Variants in REDIC1 observed in about 807,000 individuals in gnomAD.
REDIC1 encodes HEI10 Interacting Protein 1.
chr12:39,883,952 G>C, the REDIC1 span, among the ~76,000 whole-genome samples: 7 of 152,088 alleles, frequency 4.6e-5, no homozygotes, highest in African/African-American at 1.7e-4. Context: ...CGTTTAGACA[G>C]ACTATCTCCT....
the REDIC1 span, among the ~76,000 whole-genome samples, chr12:39,656,951 C>T: frequency 5.3e-5 from 8 of 152,038 alleles, no homozygotes; most frequent in Admixed American, 4.6e-4. Context: ...AAAATTAAAA[C>T]ATTTATAAAG....
chr12:39,801,418 C>A, the REDIC1 span, among the ~76,000 whole-genome samples: 3 of 149,868 alleles, frequency 2.0e-5, no homozygotes, highest in Non-Finnish European at 4.4e-5. Flanking sequence ...AAGCAAACAG[C>A]CATAAACAAA....
chr12:39,766,226 G>A, the REDIC1 span, among the ~76,000 whole-genome samples: 2 of 151,974 alleles, frequency 1.3e-5, no homozygotes, highest in Admixed American at 6.6e-5. Flanking sequence ...CTTAGACCAC[G>A]CCAATACAGG....
At chr12:39,746,974 G>A in the REDIC1 span, among the ~76,000 whole-genome samples, 1 of 152,148 alleles carries the variant, frequency 6.6e-6, no homozygotes, top group South Asian at 2.1e-4. Context: ...CAAAGATGGG[G>A]AAAAAACAAA....
chr12:39,644,701 T>C, the REDIC1 span, among the ~76,000 whole-genome samples: 1 of 151,920 alleles, frequency 6.6e-6, no homozygotes, highest in Non-Finnish European at 1.5e-5. Context: ...ATTTTGAGAA[T>C]AAAACTTATT....
the REDIC1 span, among the ~76,000 whole-genome samples, chr12:39,797,213 G>A: frequency 3.9e-5 from 6 of 152,104 alleles, no homozygotes; most frequent in South Asian, 4.1e-4. Flanking sequence ...AAGTAAGCAC[G>A]CCAACATACC....
At chr12:39,861,820 T>C in the REDIC1 span, among the ~76,000 whole-genome samples, 1 of 152,206 alleles carries the variant, frequency 6.6e-6, no homozygotes, top group Non-Finnish European at 1.5e-5. Flanking sequence ...CATCTGTCTT[T>C]ATCTTTGTGC....
chr12:39,810,342 GAAATA>G, the REDIC1 span, among the ~76,000 whole-genome samples: 3 of 152,186 alleles, frequency 2.0e-5, no homozygotes, highest in Admixed American at 6.5e-5. Flanking sequence ...GTTAGTAATA[GAAATA>G]AAATATATTT....
the REDIC1 span, among the ~76,000 whole-genome samples, chr12:39,680,821 T>G: frequency 6.6e-6 from 1 of 151,794 alleles, no homozygotes; most frequent in Non-Finnish European, 1.5e-5. Context: ...GGAATTCTAC[T>G]CAGCCATAAA....
At chr12:39,787,135 C>T in the REDIC1 span, among the ~76,000 whole-genome samples, 2 of 152,204 alleles carry the variant, frequency 1.3e-5, no homozygotes, top group Middle Eastern at 3.4e-3. Context: ...AGATGGATTT[C>T]GGTATATGGC....
chr12:39,711,785 ATGTGTG>A, the REDIC1 span, among the ~76,000 whole-genome samples: 1 of 119,276 alleles, frequency 8.4e-6, no homozygotes, highest in African/African-American at 3.1e-5. Context: ...ATGCATGTGT[ATGTGTG>A]TGTACACATG....
At chr12:39,759,783 C>T in the REDIC1 span, 1 of 464,568 alleles carries the variant, frequency 2.2e-6, no homozygotes, top group Admixed American at 3.9e-5. Flanking sequence ...GAAGGCATTA[C>T]ACACATTTGC....
the REDIC1 span, among the ~76,000 whole-genome samples, chr12:39,801,339 TAAAAAAA>T: frequency 7.8e-3 from 991 of 126,854 alleles, 11 homozygotes; most frequent in South Asian, 0.086. Flanking sequence ...ATGAGGAAAT[TAAAAAAA>T]AAAAAAAAAA....
the REDIC1 span, among the ~76,000 whole-genome samples, chr12:39,890,849 AATAAT>A: frequency 8.5e-5 from 13 of 152,156 alleles, no homozygotes; most frequent in Admixed American, 6.5e-4. Flanking sequence ...AATGTTTTAA[AATAAT>A]ATGAGAAAAT....
At chr12:39,645,439 G>A in the REDIC1 span, among the ~76,000 whole-genome samples, 2 of 151,928 alleles carry the variant, frequency 1.3e-5, no homozygotes, top group African/African-American at 4.8e-5. Flanking sequence ...ACTTGAAACA[G>A]GGACTTGAAT....
At chr12:39,693,721 CAGT>C in the REDIC1 span, among the ~76,000 whole-genome samples, 1 of 151,954 alleles carries the variant, frequency 6.6e-6, no homozygotes, top group Non-Finnish European at 1.5e-5. Context: ...GGGCTATTTC[CAGT>C]ATATTTTTCT....
the REDIC1 span, among the ~76,000 whole-genome samples, chr12:39,702,084 A>G: frequency 6.6e-6 from 1 of 152,180 alleles, no homozygotes; most frequent in East Asian, 1.9e-4. Context: ...AGAAATAACT[A>G]AAATCAGAGC....
the REDIC1 span, among the ~76,000 whole-genome samples, chr12:39,667,729 G>A: frequency 1.1e-4 from 16 of 152,278 alleles, no homozygotes; most frequent in South Asian, 2.9e-3. Flanking sequence ...CTAATGACTT[G>A]CTTTGTGAAT....
chr12:39,706,793 G>T, the REDIC1 span, among the ~76,000 whole-genome samples: 1 of 151,856 alleles, frequency 6.6e-6, no homozygotes, highest in African/African-American at 2.4e-5. Flanking sequence ...AGCGAAAACT[G>T]GTATCTGTAT....
Sources: allele counts gnomAD v4.1 joint callset (sites outside exome capture counted in the v4.1 genomes callset), GRCh38; gene constraint gnomAD v4.1.1; transcripts MANE v1.5; gene names NCBI Gene and HGNC (gene_info 2026-07-23, HGNC 2026-07-21).